Variants in ZNF148 observed in about 807,000 individuals in gnomAD.
The protein encoded by ZNF148 is Beta-Enolase Repressor Factor-1.
In ZNF148, 7 loss-of-function variants were observed where a neutral mutation model predicts 67.7. The ratio of observed to expected loss-of-function variants is 0.10; its 90% CI spans 0.06 to 0.19. The LOEUF (loss-of-function observed/expected upper bound fraction) is 0.19, where lower values mean the gene tolerates loss of function less well. Ranked by LOEUF, ZNF148 falls within the 10% of genes least tolerant of loss-of-function variation. The pLI is 1.00. For synonymous variants in ZNF148, 333 were observed against 330.7 expected (o/e 1.01, Z -0.08); for missense variants, 583 against 947.1 (o/e 0.62, Z 5.05).
intron 4 of ZNF148, among the ~76,000 whole-genome samples, chr3:125,291,009 T>C (rs1445491991): frequency 6.6e-6 from 1 of 152,164 alleles, no homozygotes; most frequent in East Asian, 1.9e-4. Flanking sequence ...ATAAGCGATG[T>C]AACAAATATA....
chr3:125,332,213 C>G (rs533043631), intron 1 of ZNF148, among the ~76,000 whole-genome samples: 21 of 152,228 alleles, frequency 1.4e-4, no homozygotes, highest in Non-Finnish European at 2.5e-4. Context: ...TAGTCAGTAG[C>G]TTTGTTATTG....
At chr3:125,262,956 T>C (rs1282108681) in intron 7 of ZNF148, among the ~76,000 whole-genome samples, 5 of 152,260 alleles carry the variant, frequency 3.3e-5, no homozygotes, top group Admixed American at 3.3e-4. Flanking sequence ...TCAAGCTTTG[T>C]AAATTAGTTC....
chr3:125,249,393 A>G (rs1936737800), intron 7 of ZNF148, among the ~76,000 whole-genome samples: 1 of 152,204 alleles, frequency 6.6e-6, no homozygotes, highest in African/African-American at 2.4e-5. Flanking sequence ...AGAAGACCAC[A>G]CATTTTTCCA....
Position 125,340,193 on chromosome 3 carries a change from T to TA in ZNF148, c.-233-8956dup, listed in dbSNP as rs139446664. Among the ~76,000 whole-genome samples the TA allele has an allele frequency of 9.7e-4, 147 of 152,238 alleles. 1 individual carries two copies. Among genetic ancestry groups the TA allele is most frequent in the African/African-American group, 3.1e-3 (127 of 41,536 alleles). On this transcript the variant is annotated intron_variant, in intron 1 of 8. Transcript: ENST00000360647. ...ACCTGGCATTTCCCAACCACCAATC[T>TA]AGCAACAGAAAGCAGCTCAGATAGT...
intron 1 of ZNF148, among the ~76,000 whole-genome samples, chr3:125,352,125 C>CAAAAAAAAAAAAA (rs35674201): frequency 8.0e-6 from 1 of 124,562 alleles, no homozygotes; most frequent in Non-Finnish European, 1.8e-5. Flanking sequence ...TCACAATGGC[C>CAAAAAAAAAAAAA]AAAAAAAAAA....
intron 7 of ZNF148, among the ~76,000 whole-genome samples, chr3:125,257,750 G>A (rs1170032350): frequency 6.6e-6 from 1 of 151,738 alleles, no homozygotes; most frequent in East Asian, 1.9e-4. Context: ...AACTGCTTCC[G>A]GATGTCTAAT....
chr3:125,287,531 C>T lies in ZNF148; in HGVS notation c.459+572G>A, dbSNP rs75449408. ...GCACATGCCTGTGGTCCCAGCTACTCAGGAGGCTGAGGGAGGAGGATCCCT... is the reference window on the plus strand; with the variant it reads ...GCACATGCCTGTGGTCCCAGCTACTTAGGAGGCTGAGGGAGGAGGATCCCT... On this transcript the variant is annotated intron_variant, in intron 5 of 8. Coordinates refer to ENST00000360647, the MANE Select transcript of ZNF148 (RefSeq NM_021964.3). Among the ~76,000 whole-genome samples the T allele has an allele frequency of 8.1e-4, 124 of 152,286 alleles. 1 individual carries two copies. In the East Asian group the frequency reaches 0.02, roughly 25 times the overall value.
chr3:125,374,885 AC>A lies in ZNF148; in HGVS notation c.-234+216del, dbSNP rs370450937. 5.6e-3 allele frequency among the ~76,000 whole-genome samples: 790 copies of A among 141,760 alleles called. 5 individuals carry two copies. Among genetic ancestry groups the A allele is most frequent in the African/African-American group, 0.02 (743 of 37,882 alleles). The allele number at this position is 141,760 out of a possible 152,430, so 93.0% of individuals were successfully genotyped here. A position where few individuals can be genotyped will look rare whatever the true frequency, so the allele number is the denominator to read the frequency against. The stretch of plus-strand genomic sequence containing the variant: ...CCACCCCCGTCATTATCCCTCCTCA[AC>A]CCCCCAACCCACCCTCCGCGCCCTG... On this transcript the variant is annotated intron_variant, in intron 1 of 8. Coordinates refer to ENST00000360647, the MANE Select transcript of ZNF148 (RefSeq NM_021964.3).
At chr3:125,239,691 C>T (rs1936256298) in intron 7 of ZNF148, among the ~76,000 whole-genome samples, 5 of 152,242 alleles carry the variant, frequency 3.3e-5, no homozygotes, top group Non-Finnish European at 7.4e-5. Flanking sequence ...GTGAAGTTCA[C>T]ACAAAAACTC....
At chr3:125,346,740 G>GT (rs1461158655) in intron 1 of ZNF148, among the ~76,000 whole-genome samples, 1 of 152,034 alleles carries the variant, frequency 6.6e-6, no homozygotes, top group Non-Finnish European at 1.5e-5. Flanking sequence ...TGCCATATTT[G>GT]TAAGTTTCTT....
intron 2 of ZNF148, among the ~76,000 whole-genome samples, chr3:125,329,966 A>G (rs1027838696): frequency 6.6e-6 from 1 of 152,202 alleles, no homozygotes; most frequent in African/African-American, 2.4e-5. Flanking sequence ...ATATACAATG[A>G]TTATACTGAA....
intron 5 of ZNF148, among the ~76,000 whole-genome samples, chr3:125,281,286 T>C (rs1938370958): frequency 6.6e-6 from 1 of 152,102 alleles, no homozygotes; most frequent in Non-Finnish European, 1.5e-5. Context: ...AGTTTTGAAT[T>C]TTTTCAACCC....
intron 5 of ZNF148, among the ~76,000 whole-genome samples, chr3:125,283,114 C>T (rs1281798742): frequency 1.3e-5 from 2 of 152,068 alleles, no homozygotes; most frequent in East Asian, 3.8e-4. Flanking sequence ...TGACAATTCT[C>T]TTTACTCTCC....
rs1328298406 is a variant in ZNF148, at chr3:125,288,231, G to A, written c.334-3C>T. The A allele has an allele frequency of 3.8e-6, 6 of 1,596,118 alleles. No individual in the cohort carries two copies. The highest frequency in any genetic ancestry group is 5.1e-6 in the Non-Finnish European group (6 of 1,175,072). Reference sequence around the variant, plus strand: ...GTAATTTCCTGCTTTACGCTTATCTGTTTAAAAAAAGAAAAGCCAATTTTA... The same window carrying A: ...GTAATTTCCTGCTTTACGCTTATCTATTTAAAAAAAGAAAAGCCAATTTTA... On this transcript the variant is annotated splice_region_variant and splice_polypyrimidine_tract_variant and intron_variant, in intron 4 of 8. Coordinates refer to ENST00000360647, the MANE Select transcript of ZNF148 (RefSeq NM_021964.3).
Position 125,291,187 on chromosome 3 carries a change from G to A in ZNF148, c.334-2959C>T, listed in dbSNP as rs953476503. Among the ~76,000 whole-genome samples, 3 of 151,992 alleles carry A rather than the reference G, an allele frequency of 2.0e-5. No homozygotes were observed. The East Asian group carries it at 5.8e-4, about 29-fold the overall frequency. On this transcript the variant is annotated intron_variant, in intron 4 of 8. Transcript: ENST00000360647. ...TCTCAACATCCTGCACCCATACCCA[G>A]TGACATCCACTTCCCTCCAATTAAC... is the stretch of plus-strand genomic sequence containing the variant.
At chr3:125,351,633 G>A (rs530984170) in intron 1 of ZNF148, among the ~76,000 whole-genome samples, 4 of 152,252 alleles carry the variant, frequency 2.6e-5, no homozygotes, top group African/African-American at 9.6e-5. Context: ...CAGAATTGGA[G>A]AAGATATATG....
At chr3:125,348,172 T>C (rs1006567238) in intron 1 of ZNF148, among the ~76,000 whole-genome samples, 1 of 151,972 alleles carries the variant, frequency 6.6e-6, no homozygotes, top group Non-Finnish European at 1.5e-5. Flanking sequence ...AGCTGGAGGA[T>C]TGCTTGAGCC....
At chr3:125,292,244 A>G (rs1285318165) in intron 4 of ZNF148, among the ~76,000 whole-genome samples, 4 of 152,150 alleles carry the variant, frequency 2.6e-5, no homozygotes, top group Non-Finnish European at 5.9e-5. Context: ...CCATGACCGC[A>G]TGCAAAATTT....
At chr3:125,274,774 C>G (rs1406736292) in intron 7 of ZNF148, among the ~76,000 whole-genome samples, 1 of 152,074 alleles carries the variant, frequency 6.6e-6, no homozygotes, top group East Asian at 1.9e-4. Context: ...GAAAATGGAG[C>G]CTTTAAGGGC....
Sources: allele counts gnomAD v4.1 joint callset (sites outside exome capture counted in the v4.1 genomes callset), GRCh38; gene constraint gnomAD v4.1.1; transcripts MANE v1.5; gene names NCBI Gene and HGNC (gene_info 2026-07-23, HGNC 2026-07-21).